The following RPS6KA6 variants were observed in gnomAD, a reference collection of about 807,000 sequenced individuals.
RPS6KA6 encodes ribosomal protein S6 kinase A6.
In RPS6KA6, 27 loss-of-function variants were observed where a neutral mutation model predicts 65.4. The observed-to-expected ratio is 0.41, with a 90% CI of 0.30 to 0.57. RPS6KA6 has a LOEUF of 0.57. RPS6KA6 is among the 20% of genes least tolerant of loss of function. RPS6KA6 has a pLI of 0.24. For synonymous variants in RPS6KA6, 190 were observed against 184.2 expected (o/e 1.03, Z -0.26); for missense variants, 486 against 555.6 (o/e 0.87, Z 1.26).
At chrX:84,120,105 TA>T in intron 8 of RPS6KA6, 78 bp from the exon 9 acceptor site, 2 of 699,764 alleles carry the variant, frequency 2.9e-6, no homozygotes, top group Non-Finnish European at 2.0e-6. Context: ...CAAAATAATG[TA>T]TTAAACATTA....
intron 2 of RPS6KA6, among the ~76,000 whole-genome samples, chrX:84,163,435 C>T (rs1240870957): frequency 9.4e-6 from 1 of 106,542 alleles, no homozygotes; most frequent in Admixed American, 1.0e-4. Context: ...GTCAGGAGAT[C>T]GAGACCATCC....
chrX:84,176,504 A>G (rs1451357808), intron 1 of RPS6KA6, among the ~76,000 whole-genome samples: 1 of 112,035 alleles, frequency 8.9e-6, no homozygotes, highest in Non-Finnish European at 1.9e-5. Context: ...TGAGTTATAT[A>G]TCAGGGTTAA....
At chrX:84,133,812 C>T (rs1029587714) in intron 8 of RPS6KA6, among the ~76,000 whole-genome samples, 7 of 111,469 alleles carry the variant, frequency 6.3e-5, no homozygotes, top group African/African-American at 2.3e-4. Context: ...TAAATATCTT[C>T]GAACCCACAT....
intron 8 of RPS6KA6, among the ~76,000 whole-genome samples, chrX:84,133,971 A>G (rs1350634761): frequency 8.9e-6 from 1 of 112,489 alleles, no homozygotes; most frequent in East Asian, 2.8e-4. Context: ...CAGGAATTTA[A>G]AGCAACTTAC....
At chrX:84,151,892 A>C (rs745654493) in intron 3 of RPS6KA6, among the ~76,000 whole-genome samples, 1 of 111,754 alleles carries the variant, frequency 8.9e-6, no homozygotes, top group African/African-American at 3.2e-5. Flanking sequence ...TCTTAGGATG[A>C]CTGTGAAGTA....
chrX:84,082,805 C>A (rs941480297), intron 20 of RPS6KA6, among the ~76,000 whole-genome samples: 2 of 111,270 alleles, frequency 1.8e-5, no homozygotes, highest in Non-Finnish European at 3.8e-5. Context: ...CATCTACGAC[C>A]ATCTGGTTTT....
intron 5 of RPS6KA6, among the ~76,000 whole-genome samples, chrX:84,145,896 C>G (rs922259729): frequency 1.8e-5 from 2 of 111,295 alleles, no homozygotes; most frequent in Non-Finnish European, 3.8e-5. Context: ...AATGCCACTT[C>G]CTCTATTAAA....
chrX:84,163,633 G>A (rs1304494213), intron 2 of RPS6KA6, among the ~76,000 whole-genome samples: 4 of 76,393 alleles, frequency 5.2e-5, no homozygotes, highest in African/African-American at 1.6e-4. Flanking sequence ...GCGACAGAGC[G>A]AGACTCCGTC....
intron 3 of RPS6KA6, among the ~76,000 whole-genome samples, chrX:84,150,858 T>TATATATAGGATATATATATAG (rs1569235414): frequency 1.1e-4 from 10 of 92,024 alleles, no homozygotes; most frequent in Admixed American, 1.3e-4. Flanking sequence ...TATATATATA[T>TATATATAGGATATATATATAG]AGAGGATATA....
Position 84,120,039 on chromosome X carries a change from G to A in RPS6KA6, c.647-12C>T. Reference sequence around the variant, plus strand: ...GCTGAGTCCAAAATCTATAATAACAGTATTACCAAAAAATGTGTCTGAAAA... The same window carrying A: ...GCTGAGTCCAAAATCTATAATAACAATATTACCAAAAAATGTGTCTGAAAA... On this transcript the variant is annotated splice_polypyrimidine_tract_variant and intron_variant, in intron 8 of 21. Transcript: ENST00000262752. The A allele has an allele frequency of 9.0e-7, 1 of 1,112,681 alleles. No homozygotes were observed. Among genetic ancestry groups the A allele is most frequent in the Non-Finnish European group, 1.2e-6 (1 of 841,132 alleles). The allele number at this position is 1,112,681 out of a possible 1,213,427, so 91.7% of individuals were successfully genotyped here.
intron 1 of RPS6KA6, among the ~76,000 whole-genome samples, chrX:84,178,809 T>C (rs916332696): frequency 5.7e-4 from 63 of 110,380 alleles, no homozygotes; most frequent in Non-Finnish European, 9.5e-5. Flanking sequence ...AATTAAGAAA[T>C]ATAACTAAAA....
Position 84,065,002 on chromosome X carries a change from G to C in RPS6KA6, c.2081C>G (p.Pro694Arg). 8.3e-7 allele frequency: 1 copy of C among 1,206,441 alleles called. No homozygotes were observed. Among genetic ancestry groups the C allele is most frequent in the Non-Finnish European group, 1.1e-6 (1 of 891,627 alleles). Residue 694 changes from proline (P) to arginine (R), a missense_variant, in exon 21 of 22, where the codon CCA (proline) becomes CGA (arginine). Physicochemically the swap from Pro to Arg is moderately radical, Grantham distance 103. This residue lies in a region of RPS6KA6 where 345 missense variants were observed against 375.0 expected (regional missense o/e 0.92). Coordinates refer to ENST00000262752, the MANE Select transcript of RPS6KA6 (RefSeq NM_014496.5). ...AACATGTGACACATCATTTCTCTTT[G>C]GCTGATCATTTGGCAACTGGTCTCT... ...THRDQLPNDQ[P>R]KRNDVSHVVK... is the part of the protein sequence containing the mutation.
chrX:84,122,361 G>GC (rs2034688675), intron 8 of RPS6KA6, among the ~76,000 whole-genome samples: 1 of 43,009 alleles, frequency 2.3e-5, no homozygotes, highest in African/African-American at 8.5e-5. Flanking sequence ...TTTTTTTTAA[G>GC]TTTTTTTTTT....
chrX:84,078,651 A>C (rs779007995), intron 20 of RPS6KA6, among the ~76,000 whole-genome samples: 1 of 112,175 alleles, frequency 8.9e-6, no homozygotes, highest in Non-Finnish European at 1.9e-5. Context: ...AAATCTCAAA[A>C]TTATTATTAA....
chrX:84,115,939 G>T (rs1052294098), intron 12 of RPS6KA6, among the ~76,000 whole-genome samples: 1 of 110,820 alleles, frequency 9.0e-6, no homozygotes, highest in South Asian at 3.8e-4. Context: ...AGACACCGAG[G>T]ACTCCAAAAG....
At chrX:84,077,809 C>T (rs911551381) in intron 20 of RPS6KA6, among the ~76,000 whole-genome samples, 2 of 111,667 alleles carry the variant, frequency 1.8e-5, no homozygotes, top group African/African-American at 6.5e-5. Context: ...GAGTATTTTA[C>T]TGCACATTGC....
intron 20 of RPS6KA6, among the ~76,000 whole-genome samples, chrX:84,083,462 T>C (rs1484458532): frequency 8.9e-6 from 1 of 112,312 alleles, no homozygotes; most frequent in Non-Finnish European, 1.9e-5. Context: ...AGCTCCCTTA[T>C]ACGTGAGAAT....
intron 8 of RPS6KA6, among the ~76,000 whole-genome samples, chrX:84,122,737 T>C (rs2034702694): frequency 9.0e-6 from 1 of 111,499 alleles, no homozygotes; most frequent in Admixed American, 9.5e-5. Context: ...CAAAGTGCTC[T>C]GGGGTCCTAG....
chrX:84,188,032 G>A lies in RPS6KA6; in HGVS notation c.-133C>T. ...CGCGACCCCCAGCCCCGCCTTCAGC[G>A]AGCGCTGCCCTCGCCGCCGGGTCTC... On this transcript the variant is annotated 5_prime_UTR_variant, in exon 1 of 22. Transcript: ENST00000262752. 3.6e-6 allele frequency: 1 copy of A among 277,755 alleles called. No individual in the cohort carries two copies. The highest frequency in any genetic ancestry group is 5.0e-6 in the Non-Finnish European group (1 of 201,069). 22.9% of individuals were successfully genotyped at this position (277,755 alleles called of 1,213,427 possible). A position where few individuals can be genotyped will look rare whatever the true frequency, so the allele number is the denominator to read the frequency against.
Sources: gnomAD v4.1 joint callset for allele counts (sites outside exome capture counted in the v4.1 genomes callset) on GRCh38, gnomAD v4.1.1 for gene constraint, gnomAD v4.1.1 regional missense constraint, MANE v1.5 for transcripts, NCBI Gene and HGNC (gene_info 2026-07-23, HGNC 2026-07-21) for gene names.